SP100: variants seen among roughly 807,000 people sequenced by gnomAD.
SP100 encodes SP100 nuclear body protein.
In SP100, 84 loss-of-function variants were observed where a neutral mutation model predicts 130.0. That is an observed-to-expected ratio of 0.65 (90% CI 0.54 to 0.77). The LOEUF is 0.77. SP100 is among the 30% of genes least tolerant of loss of function. SP100 has a pLI of 0.00. For missense variants in SP100, 978 were observed against 1,052.2 expected (o/e 0.93, Z 0.97); for synonymous variants, 331 against 351.7 (o/e 0.94, Z 0.66).
At chr2:230,509,372 C>T (rs537549038) in intron 23 of SP100, 3 of 152,254 alleles carry the variant, frequency 2.0e-5, no homozygotes, top group Non-Finnish European at 4.4e-5. Context: ...GCTCCTGGGG[C>T]TACCTGCTCC....
intron 2 of SP100, chr2:230,440,583 GTT>G (rs766569915): frequency 3.6e-6 from 5 of 1,373,110 alleles, no homozygotes; most frequent in East Asian, 6.0e-5. Context: ...GATATACAAT[GTT>G]AACAGATTGG....
At position 230,474,490 on chromosome 2, in the gene SP100, G is replaced by T. The variant is rs2065433466; in HGVS notation, c.1600+43G>T. 4 of 934,656 alleles carry T rather than the reference G, an allele frequency of 4.3e-6. No homozygotes were observed. In the South Asian group the frequency reaches 5.8e-5, roughly 14 times the overall value. 57.9% of individuals were successfully genotyped at this position (934,656 alleles called of 1,614,324 possible). On this transcript the variant is annotated intron_variant, in intron 17 of 28. Transcript: ENST00000340126. The stretch of plus-strand genomic sequence containing the variant: ...TTTACTTAATTTTTATGTTACAAAT[G>T]AACTATTTTTTAATGCTAAGGTTTA...
chr2:230,514,949 G>C (rs1403151995), intron 24 of SP100: 28 of 1,366,426 alleles, frequency 2.0e-5, no homozygotes, highest in Non-Finnish European at 2.5e-5. Context: ...GCTCCATAGA[G>C]ATAGTGCTGG....
intron 24 of SP100, among the ~76,000 whole-genome samples, chr2:230,522,713 C>A (rs1003717255): frequency 2.6e-5 from 4 of 151,930 alleles, no homozygotes; most frequent in African/African-American, 9.7e-5. Context: ...TGGTCTCAAT[C>A]TCTTGACCTC....
chr2:230,438,589 G>A (rs1250439520), intron 2 of SP100, among the ~76,000 whole-genome samples: 1 of 151,006 alleles, frequency 6.6e-6, no homozygotes, highest in Non-Finnish European at 1.5e-5. Flanking sequence ...CCAGGATGCT[G>A]AGAACGCCAT....
intron 22 of SP100, 106 bp from the exon 23 acceptor site, chr2:230,507,887 A>T: frequency 2.2e-6 from 2 of 928,170 alleles, no homozygotes; most frequent in Non-Finnish European, 3.3e-6. Context: ...AATTTGAGTT[A>T]ATAGTGGGAT....
In SP100 at chr2:230,544,561, C is replaced by T. The variant is rs1394088342; in HGVS notation, c.*1615C>T. ...AGAGTGCAATGGCGTGATCTTGGCTCACCACAACCTCTGCCTCCCGGGTTC... is the reference window on the plus strand; with the variant it reads ...AGAGTGCAATGGCGTGATCTTGGCTTACCACAACCTCTGCCTCCCGGGTTC... On this transcript the variant is annotated 3_prime_UTR_variant, in exon 29 of 29. Coordinates refer to ENST00000340126, the MANE Select transcript of SP100 (RefSeq NM_001080391.2). Among the ~76,000 whole-genome samples the T allele has an allele frequency of 6.6e-6, 1 of 152,090 alleles. No homozygotes were observed. Among genetic ancestry groups the T allele is most frequent in the Non-Finnish European group, 1.5e-5 (1 of 68,006 alleles).
chr2:230,516,442 T>A (rs1690919477), intron 24 of SP100: 1 of 145,786 alleles, frequency 6.9e-6, no homozygotes, highest in Non-Finnish European at 1.5e-5. Flanking sequence ...AAAGAGAAGT[T>A]TTCTTGACTT....
At chr2:230,476,612 G>A (rs575586293) in intron 17 of SP100, among the ~76,000 whole-genome samples, 17 of 152,152 alleles carry the variant, frequency 1.1e-4, no homozygotes, top group Non-Finnish European at 2.2e-4. Context: ...GTATTAACAC[G>A]TTTTGGAATA....
chr2:230,503,593 A>T (rs1024434550), intron 20 of SP100, among the ~76,000 whole-genome samples: 1 of 152,200 alleles, frequency 6.6e-6, no homozygotes, highest in Non-Finnish European at 1.5e-5. Flanking sequence ...ATCTAACTGT[A>T]TATCTGAATG....
chr2:230,534,441 C>G (rs760466369), intron 24 of SP100, among the ~76,000 whole-genome samples: 4 of 152,202 alleles, frequency 2.6e-5, no homozygotes, highest in Non-Finnish European at 4.4e-5. Context: ...TCAATGACTA[C>G]TTTACAGTGA....
intron 24 of SP100, among the ~76,000 whole-genome samples, chr2:230,518,995 A>T (rs1227764921): frequency 6.6e-6 from 1 of 152,206 alleles, no homozygotes; most frequent in Non-Finnish European, 1.5e-5. Context: ...TTTGGTCATG[A>T]ATCAGGTAAA....
chr2:230,433,611 T>G (rs746238632), intron 2 of SP100, among the ~76,000 whole-genome samples: 4 of 152,120 alleles, frequency 2.6e-5, no homozygotes, highest in Non-Finnish European at 4.4e-5. Flanking sequence ...ATATTGAGTC[T>G]TTCAATCCAT....
chr2:230,520,150 G>A (rs78683284), intron 24 of SP100, among the ~76,000 whole-genome samples: 1 of 152,200 alleles, frequency 6.6e-6, no homozygotes, highest in Non-Finnish European at 1.5e-5. Context: ...ATGGACAAGA[G>A]ATAATCAGTT....
rs1350316056 is a variant in SP100, at chr2:230,534,392, C to T, written c.2095-4875C>T. On this transcript the variant is annotated intron_variant, in intron 24 of 28. Coordinates refer to ENST00000340126, the MANE Select transcript of SP100 (RefSeq NM_001080391.2). ...GTGCATTCCAGCCTGGGTGACAGAGCGAGACTCCGTCTCAAAAAAAAGAGA... is the reference window on the plus strand; with the variant it reads ...GTGCATTCCAGCCTGGGTGACAGAGTGAGACTCCGTCTCAAAAAAAAGAGA... 2.6e-5 allele frequency among the ~76,000 whole-genome samples: 4 copies of T among 152,218 alleles called. No individual in the cohort carries two copies. The South Asian group carries it at 6.2e-4, about 24-fold the overall frequency.
intron 17 of SP100, among the ~76,000 whole-genome samples, chr2:230,488,813 T>C (rs1297251912): frequency 6.6e-6 from 1 of 152,246 alleles, no homozygotes; most frequent in African/African-American, 2.4e-5. Context: ...GTTTATGTGA[T>C]GGATTACATT....
At chr2:230,521,379 G>T (rs987484170) in intron 24 of SP100, among the ~76,000 whole-genome samples, 2 of 152,204 alleles carry the variant, frequency 1.3e-5, no homozygotes, top group African/African-American at 4.8e-5. Context: ...CCAGGTCACA[G>T]CATCTGGACA....
rs77138900 is a variant in SP100, at chr2:230,541,550, G to A, written c.2403+178G>A. On this transcript the variant is annotated intron_variant, in intron 27 of 28. Coordinates refer to ENST00000340126, the MANE Select transcript of SP100 (RefSeq NM_001080391.2). ...GCAGAAATGTTTTTCTCACGGTCCCGGAGGCTGCATGTCCAAGATCAGGGT... is the reference window on the plus strand; with the variant it reads ...GCAGAAATGTTTTTCTCACGGTCCCAGAGGCTGCATGTCCAAGATCAGGGT... Among the ~76,000 whole-genome samples the A allele has an allele frequency of 3.8e-3, 580 of 152,266 alleles. 9 individuals carry two copies. The highest frequency in any genetic ancestry group is 0.026 in the East Asian group (135 of 5,172).
intron 17 of SP100, among the ~76,000 whole-genome samples, chr2:230,483,120 T>C (rs2065908750): frequency 6.6e-6 from 1 of 152,240 alleles, no homozygotes; most frequent in Non-Finnish European, 1.5e-5. Flanking sequence ...GAGAAAAATC[T>C]CATCGAGCTT....
Sources: gnomAD v4.1 joint callset for allele counts (sites outside exome capture counted in the v4.1 genomes callset) on GRCh38, gnomAD v4.1.1 for gene constraint, MANE v1.5 for transcripts, NCBI Gene and HGNC (gene_info 2026-07-23, HGNC 2026-07-21) for gene names.